Variants in TTC23 observed in about 807,000 individuals in gnomAD.
TTC23 encodes the protein tetratricopeptide repeat domain 23.
TTC23 carries 58 observed loss-of-function variants against 55.1 expected under a neutral mutation model. The observed-to-expected ratio is 1.05, with a 90% CI of 0.85 to 1.31. The LOEUF (loss-of-function observed/expected upper bound fraction) is 1.31, where lower values mean the gene tolerates loss of function less well. Among genes scored for constraint, TTC23 ranks in the 50% most tolerant of loss-of-function variants. TTC23 has a pLI of 0.00. For synonymous variants in TTC23, 203 were observed against 199.9 expected, an observed-to-expected ratio of 1.02 and a Z score of -0.13; for missense variants, 516 against 534.4, an observed-to-expected ratio of 0.97 and a Z score of 0.34.
chr15:99,179,358 A>G (rs990477003), intron 9 of TTC23, among the ~76,000 whole-genome samples: 2 of 152,116 alleles, frequency 1.3e-5, no homozygotes, highest in Non-Finnish European at 2.9e-5. Context: ...CATTCTCACT[A>G]GTCATCCAAC....
At chr15:99,244,149 C>A (rs561025066) in intron 2 of TTC23, among the ~76,000 whole-genome samples, 11 of 151,984 alleles carry the variant, frequency 7.2e-5, no homozygotes, top group Admixed American at 3.3e-4. Context: ...AAAACAAAAC[C>A]AAAAAATCCT....
chr15:99,164,939 C>T (rs912094641), intron 10 of TTC23, among the ~76,000 whole-genome samples: 1 of 152,118 alleles, frequency 6.6e-6, no homozygotes, highest in Non-Finnish European at 1.5e-5. Flanking sequence ...TCTGGCTCTG[C>T]CCCTTACAGC....
At chr15:99,200,366 A>G (rs2076100468) in intron 8 of TTC23, among the ~76,000 whole-genome samples, 1 of 152,198 alleles carries the variant, frequency 6.6e-6, no homozygotes, top group East Asian at 1.9e-4. Context: ...AGTTAAGGAT[A>G]ACAGTGCCCA....
upstream of TTC23, among the ~76,000 whole-genome samples, chr15:99,250,827 T>C (rs1417112710): frequency 1.3e-5 from 2 of 152,194 alleles, no homozygotes; most frequent in African/African-American, 4.8e-5. Flanking sequence ...GTCCTCCTCA[T>C]CTTTGTTATC....
chr15:99,202,144 C>G (rs896736233), intron 8 of TTC23, among the ~76,000 whole-genome samples: 5 of 152,154 alleles, frequency 3.3e-5, no homozygotes, highest in African/African-American at 1.2e-4. Flanking sequence ...TACTTATTAT[C>G]TGGGCTTTTA....
chr15:99,168,573 A>G (rs544710816), intron 10 of TTC23, among the ~76,000 whole-genome samples: 1 of 152,340 alleles, frequency 6.6e-6, no homozygotes, highest in Admixed American at 6.5e-5. Context: ...CCAGCTCAGA[A>G]GTGAAAAACC....
upstream of TTC23, among the ~76,000 whole-genome samples, chr15:99,250,386 G>A (rs1248950709): frequency 6.6e-6 from 1 of 151,874 alleles, no homozygotes; most frequent in African/African-American, 2.4e-5. Context: ...TAGGTTATTC[G>A]TCTCTATGAA....
At chr15:99,185,833 CTTGTG>C (rs1214120097) in intron 9 of TTC23, among the ~76,000 whole-genome samples, 2 of 152,156 alleles carry the variant, frequency 1.3e-5, no homozygotes, top group Non-Finnish European at 2.9e-5. Context: ...TGCTGCCTTC[CTTGTG>C]TTGGCTCTCC....
At chr15:99,240,990 G>C (rs376418063) in intron 3 of TTC23, among the ~76,000 whole-genome samples, 10 of 152,142 alleles carry the variant, frequency 6.6e-5, no homozygotes, top group East Asian at 5.8e-4. Context: ...TTCAATGTAT[G>C]TGGCATCACA....
At chr15:99,218,859 T>A in intron 7 of TTC23, 39 bp downstream of exon 7, 1 of 1,602,280 alleles carries the variant, frequency 6.2e-7, no homozygotes, top group Non-Finnish European at 8.5e-7. Flanking sequence ...GTTACGTGAA[T>A]AGTATTTCTA....
At chr15:99,183,000 G>A (rs2074297046) in intron 9 of TTC23, among the ~76,000 whole-genome samples, 2 of 152,208 alleles carry the variant, frequency 1.3e-5, no homozygotes, top group Non-Finnish European at 2.9e-5. Context: ...CAGAGAATGT[G>A]GAAGTGACTT....
At chr15:99,163,407 A>G (rs1433916348) in intron 10 of TTC23, among the ~76,000 whole-genome samples, 2 of 152,238 alleles carry the variant, frequency 1.3e-5, no homozygotes, top group Admixed American at 1.3e-4. Context: ...AACTGTGCTC[A>G]TAACAGGAAC....
At chr15:99,197,547 G>T (rs376984646) in intron 9 of TTC23, among the ~76,000 whole-genome samples, 1 of 151,978 alleles carries the variant, frequency 6.6e-6, no homozygotes, top group East Asian at 1.9e-4. Context: ...ACTGTGCTAA[G>T]CTCTTTACAA....
At chr15:99,247,172 T>C (rs1003316723) in intron 1 of TTC23, among the ~76,000 whole-genome samples, 5 of 151,798 alleles carry the variant, frequency 3.3e-5, no homozygotes, top group African/African-American at 1.2e-4. Context: ...TCATAAGGAG[T>C]GTTGGTGAGG....
chr15:99,193,532 G>A (rs2075424874), intron 9 of TTC23, among the ~76,000 whole-genome samples: 1 of 152,136 alleles, frequency 6.6e-6, no homozygotes, highest in Admixed American at 6.5e-5. Flanking sequence ...CTTCTGCCAT[G>A]ATTGTGAGAC....
intron 8 of TTC23, among the ~76,000 whole-genome samples, chr15:99,203,661 C>G (rs2076373641): frequency 6.6e-6 from 1 of 151,924 alleles, no homozygotes; most frequent in Admixed American, 6.6e-5. Flanking sequence ...AACCATCATT[C>G]TGCTCTCTAT....
intron 9 of TTC23, among the ~76,000 whole-genome samples, chr15:99,189,613 T>C (rs1383813763): frequency 6.6e-6 from 1 of 152,180 alleles, no homozygotes; most frequent in Non-Finnish European, 1.5e-5. Flanking sequence ...CTTTGTAGTA[T>C]TCTAGCTCGG....
intron 9 of TTC23, among the ~76,000 whole-genome samples, chr15:99,187,060 T>C (rs1163379510): frequency 6.6e-6 from 1 of 152,022 alleles, no homozygotes; most frequent in Non-Finnish European, 1.5e-5. Context: ...TTTCAAAACT[T>C]ACAACAAAAC....
chr15:99,221,160 T>C (rs1000125444), intron 6 of TTC23, among the ~76,000 whole-genome samples: 1 of 152,136 alleles, frequency 6.6e-6, no homozygotes. Context: ...GTTGCCACCA[T>C]GTGGGCAAAA....
Sources: gnomAD v4.1 joint callset for allele counts (sites outside exome capture counted in the v4.1 genomes callset) on GRCh38, gnomAD v4.1.1 for gene constraint, MANE v1.5 for transcripts, NCBI Gene and HGNC (gene_info 2026-07-23, HGNC 2026-07-21) for gene names.